FAM168A: variants seen among roughly 807,000 people sequenced by gnomAD.
FAM168A encodes the protein family with sequence similarity 168 member A, also known as protein FAM168A.
In FAM168A, 3 loss-of-function variants were observed where a neutral mutation model predicts 28.5. That is an observed-to-expected ratio of 0.11 (90% CI 0.05 to 0.27). The LOEUF is 0.27. Among genes scored for constraint, FAM168A ranks in the 10% least tolerant of loss-of-function variants. The probability of loss-of-function intolerance (pLI) is 1.00; values close to 1 mark genes in which losing one functional copy is unlikely to be tolerated. For missense variants in FAM168A, 222 were observed against 311.5 expected (o/e 0.71, Z 2.16); for synonymous variants, 122 against 124.2 (o/e 0.98, Z 0.12).
intron 1 of FAM168A, among the ~76,000 whole-genome samples, chr11:73,548,560 C>T (rs1943787935): frequency 6.6e-6 from 1 of 152,178 alleles, no homozygotes; most frequent in South Asian, 2.1e-4. Context: ...AGATATAATA[C>T]TTTCTTGAAT....
At chr11:73,503,853 A>T (rs1855058518) in intron 1 of FAM168A, among the ~76,000 whole-genome samples, 1 of 152,180 alleles carries the variant, frequency 6.6e-6, no homozygotes, top group Non-Finnish European at 1.5e-5. Context: ...AACACCACAC[A>T]TCTACAAACA....
intron 1 of FAM168A, among the ~76,000 whole-genome samples, chr11:73,522,498 A>G (rs1163511678): frequency 6.6e-6 from 1 of 151,684 alleles, no homozygotes; most frequent in East Asian, 2.0e-4. Flanking sequence ...CACCATGCCC[A>G]GCTAATTTTT....
intron 1 of FAM168A, among the ~76,000 whole-genome samples, chr11:73,597,665 C>A (rs2134755683): frequency 6.6e-6 from 1 of 151,976 alleles, no homozygotes; most frequent in Admixed American, 6.6e-5. Flanking sequence ...CCCCACTCTC[C>A]TGTCCCAGGT....
At chr11:73,573,716 T>C (rs1384905620) in intron 1 of FAM168A, among the ~76,000 whole-genome samples, 3 of 151,782 alleles carry the variant, frequency 2.0e-5, no homozygotes, top group Admixed American at 1.3e-4. Flanking sequence ...AGACAGGAGG[T>C]TGGCTGGAAG....
chr11:73,542,270 A>G (rs1464659862), intron 1 of FAM168A, among the ~76,000 whole-genome samples: 2 of 152,250 alleles, frequency 1.3e-5, no homozygotes, highest in Non-Finnish European at 2.9e-5. Context: ...TCTAATAACC[A>G]TTGTAAAAAT....
intron 1 of FAM168A, among the ~76,000 whole-genome samples, chr11:73,558,658 T>C (rs1229958756): frequency 6.6e-6 from 1 of 151,070 alleles, no homozygotes; most frequent in African/African-American, 2.4e-5. Context: ...TCTCTAAAGG[T>C]ATACAAATGG....
intron 2 of FAM168A, among the ~76,000 whole-genome samples, chr11:73,460,499 CTTTT>C (rs547956382): frequency 3.5e-5 from 4 of 112,828 alleles, no homozygotes; most frequent in Admixed American, 9.4e-5. Flanking sequence ...GCTACTAATG[CTTTT>C]TTTTTTTTTT....
intron 4 of FAM168A, among the ~76,000 whole-genome samples, chr11:73,418,654 C>A (rs1215689771): frequency 6.6e-6 from 1 of 152,190 alleles, no homozygotes; most frequent in South Asian, 2.1e-4. Context: ...ACTATCAGGC[C>A]TTGCCTGGAA....
intron 1 of FAM168A, among the ~76,000 whole-genome samples, chr11:73,571,246 C>T: frequency 8.1e-6 from 1 of 123,648 alleles, no homozygotes; most frequent in Admixed American, 7.9e-5. Flanking sequence ...CCCCCCCCCT[C>T]CCCACAGTCT....
chr11:73,497,083 C>T (rs1025904014), intron 1 of FAM168A, among the ~76,000 whole-genome samples: 2 of 152,172 alleles, frequency 1.3e-5, no homozygotes, highest in Non-Finnish European at 2.9e-5. Flanking sequence ...GAAAGCCCTG[C>T]GTGATCCCAT....
At chr11:73,474,406 C>T (rs114770816) in intron 1 of FAM168A, among the ~76,000 whole-genome samples, 2,748 of 151,950 alleles carry the variant, frequency 0.018, 64 homozygotes, top group African/African-American at 0.055. Flanking sequence ...GGCACAGTTA[C>T]GGCACACTAC....
intron 1 of FAM168A, among the ~76,000 whole-genome samples, chr11:73,505,308 T>G (rs1052867962): frequency 6.6e-6 from 1 of 151,390 alleles, no homozygotes; most frequent in Non-Finnish European, 1.5e-5. Context: ...GCTCCACTGC[T>G]AACCTTCTTG....
chr11:73,511,389 A>T (rs1414323732), intron 1 of FAM168A, among the ~76,000 whole-genome samples: 1 of 151,978 alleles, frequency 6.6e-6, no homozygotes, highest in East Asian at 1.9e-4. Flanking sequence ...GGCACCGGCC[A>T]CTACGCCCGG....
intron 1 of FAM168A, among the ~76,000 whole-genome samples, chr11:73,526,868 C>CAAAAAAA (rs61073226): frequency 1.5e-4 from 8 of 51,920 alleles, no homozygotes; most frequent in South Asian, 1.2e-3. Context: ...GACTCCATCT[C>CAAAAAAA]AAAAAAAAAA....
intron 1 of FAM168A, among the ~76,000 whole-genome samples, chr11:73,488,977 C>A (rs1868091950): frequency 6.6e-6 from 1 of 152,150 alleles, no homozygotes; most frequent in Non-Finnish European, 1.5e-5. Flanking sequence ...CAACCTCCGC[C>A]TCCCAGGTTC....
At chr11:73,511,188 T>C (rs1392232843) in intron 1 of FAM168A, among the ~76,000 whole-genome samples, 1 of 151,752 alleles carries the variant, frequency 6.6e-6, no homozygotes, top group African/African-American at 2.4e-5. Context: ...TTTTTTTTTT[T>C]CCTCCCTCGG....
At chr11:73,588,453 G>T (rs1944342090) in intron 1 of FAM168A, among the ~76,000 whole-genome samples, 1 of 152,152 alleles carries the variant, frequency 6.6e-6, no homozygotes, top group Non-Finnish European at 1.5e-5. Context: ...CACTTTGGGA[G>T]GCTGGGTCAG....
chr11:73,590,929 G>T (rs1219840714), intron 1 of FAM168A, among the ~76,000 whole-genome samples: 1 of 152,178 alleles, frequency 6.6e-6, no homozygotes, highest in Non-Finnish European at 1.5e-5. Context: ...GATCATCTGA[G>T]GTCAGGGGTT....
intron 1 of FAM168A, among the ~76,000 whole-genome samples, chr11:73,550,535 G>C (rs760065822): frequency 1.6e-4 from 24 of 152,092 alleles, no homozygotes; most frequent in Non-Finnish European, 2.6e-4. Flanking sequence ...GGTGCCTATA[G>C]TCCTAGCTAC....
Sources: allele counts gnomAD v4.1 joint callset (sites outside exome capture counted in the v4.1 genomes callset), GRCh38; gene constraint gnomAD v4.1.1; transcripts MANE v1.5; gene names NCBI Gene and HGNC (gene_info 2026-07-23, HGNC 2026-07-21).